PARD3B: variants seen among roughly 807,000 people sequenced by gnomAD.
The protein encoded by PARD3B is par-3 family cell polarity regulator beta, also known as partitioning defective 3 homolog B.
PARD3B carries 103 observed loss-of-function variants against 130.2 expected under a neutral mutation model. That is an observed-to-expected ratio of 0.79 (90% CI 0.67 to 0.93). The LOEUF is 0.93. Among genes scored for constraint, PARD3B ranks in the 40% least tolerant of loss-of-function variants. The pLI is 0.00. For missense variants in PARD3B, 1,609 were observed against 1,499.2 expected (o/e 1.07, Z -1.21); for synonymous variants, 583 against 553.2 (o/e 1.05, Z -0.76).
intron 2 of PARD3B, among the ~76,000 whole-genome samples, chr2:204,922,838 C>T (rs939682137): frequency 4.6e-5 from 7 of 152,020 alleles, no homozygotes; most frequent in Admixed American, 2.6e-4. Context: ...TGACAAAAAT[C>T]GTAGTATTTA....
intron 1 of PARD3B, among the ~76,000 whole-genome samples, chr2:204,611,702 A>G (rs1285053434): frequency 1.3e-5 from 2 of 152,180 alleles, no homozygotes; most frequent in African/African-American, 4.8e-5. Flanking sequence ...TGTTCTTACT[A>G]TATACATGTA....
chr2:204,794,440 A>C (rs1013458769), intron 2 of PARD3B, among the ~76,000 whole-genome samples: 2 of 152,162 alleles, frequency 1.3e-5, no homozygotes, highest in African/African-American at 4.8e-5. Context: ...TGGTTTATCA[A>C]ATGGCTTTCA....
At chr2:205,232,985 A>C (rs780221222) in intron 15 of PARD3B, among the ~76,000 whole-genome samples, 1 of 152,204 alleles carries the variant, frequency 6.6e-6, no homozygotes, top group African/African-American at 2.4e-5. Context: ...AATGGTCAAC[A>C]TGTTTTCGAA....
chr2:204,855,060 C>T (rs540141764), intron 2 of PARD3B, among the ~76,000 whole-genome samples: 2 of 152,118 alleles, frequency 1.3e-5, no homozygotes, highest in South Asian at 2.1e-4. Context: ...ATTTACATAG[C>T]GTGCAAGGAA....
At chr2:205,277,495 G>T (rs1320138615) in intron 16 of PARD3B, among the ~76,000 whole-genome samples, 1 of 152,162 alleles carries the variant, frequency 6.6e-6, no homozygotes, top group African/African-American at 2.4e-5. Flanking sequence ...AGAAATGAGA[G>T]ATCTGGCAGA....
intron 18 of PARD3B, among the ~76,000 whole-genome samples, chr2:205,359,623 T>TTA (rs2044317168): frequency 6.6e-6 from 1 of 152,206 alleles, no homozygotes; most frequent in African/African-American, 2.4e-5. Context: ...CCACAAATAA[T>TTA]TAGAGTTGTT....
chr2:204,914,163 G>T (rs2047353796), intron 2 of PARD3B, among the ~76,000 whole-genome samples: 1 of 152,286 alleles, frequency 6.6e-6, no homozygotes, highest in African/African-American at 2.4e-5. Context: ...CCTGATCCGG[G>T]ATGGTACCTG....
intron 1 of PARD3B, among the ~76,000 whole-genome samples, chr2:204,667,371 A>G (rs776130078): frequency 3.3e-5 from 5 of 151,996 alleles, no homozygotes; most frequent in Admixed American, 6.6e-5. Flanking sequence ...TTTTACCTCA[A>G]ATTCCTCAGA....
chr2:205,057,578 T>C (rs1398374415), intron 4 of PARD3B, among the ~76,000 whole-genome samples: 15 of 140,798 alleles, frequency 1.1e-4, no homozygotes, highest in Admixed American at 1.1e-3. Context: ...TGTATATGTG[T>C]ATGTGTATAC....
At chr2:205,215,032 A>T (rs1229744392) in intron 15 of PARD3B, among the ~76,000 whole-genome samples, 2 of 152,124 alleles carry the variant, frequency 1.3e-5, no homozygotes, top group Admixed American at 6.6e-5. Context: ...GATTGGGAAT[A>T]TCATATCTGT....
intron 18 of PARD3B, among the ~76,000 whole-genome samples, chr2:205,348,498 C>G (rs1410189505): frequency 6.6e-6 from 1 of 152,106 alleles, no homozygotes. Flanking sequence ...GGAGAGAGAG[C>G]AGATGGGTTA....
chr2:205,148,972 G>A (rs1035584423), intron 10 of PARD3B, among the ~76,000 whole-genome samples: 1 of 152,132 alleles, frequency 6.6e-6, no homozygotes, highest in Non-Finnish European at 1.5e-5. Context: ...CTGGGAAATT[G>A]GATGTTGGCC....
chr2:205,542,729 T>C (rs2052211847), intron 21 of PARD3B, among the ~76,000 whole-genome samples: 1 of 152,194 alleles, frequency 6.6e-6, no homozygotes, highest in African/African-American at 2.4e-5. Context: ...ACTGTTACTC[T>C]GAGCTTATAG....
intron 2 of PARD3B, among the ~76,000 whole-genome samples, chr2:204,813,588 C>A (rs890646881): frequency 6.6e-6 from 1 of 151,992 alleles, no homozygotes; most frequent in African/African-American, 2.4e-5. Context: ...AAACTTTTGC[C>A]TAATCTCAGT....
At chr2:205,036,606 A>G (rs1697923898) in intron 3 of PARD3B, among the ~76,000 whole-genome samples, 1 of 149,424 alleles carries the variant, frequency 6.7e-6, no homozygotes, top group Non-Finnish European at 1.5e-5. Context: ...CTGTATGTAC[A>G]AAAAATATAT....
intron 2 of PARD3B, among the ~76,000 whole-genome samples, chr2:204,716,911 C>T (rs952372782): frequency 2.0e-5 from 3 of 152,096 alleles, no homozygotes; most frequent in Admixed American, 6.6e-5. Flanking sequence ...CGTGAGCCAC[C>T]GCACCCGGCC....
rs149251366 is a variant in PARD3B, at chr2:205,413,750, G to A, written c.2741+12627G>A. Among the ~76,000 whole-genome samples the A allele has an allele frequency of 4.0e-3, 603 of 152,228 alleles. 8 individuals carry two copies. The highest frequency in any genetic ancestry group is 0.013 in the African/African-American group (555 of 41,550). ...GCTGAACCAGATCCTGAGAGACACAGCCTTAAAGTGAATGAAATTTCATCC... is the reference window on the plus strand; with the variant it reads ...GCTGAACCAGATCCTGAGAGACACAACCTTAAAGTGAATGAAATTTCATCC... On this transcript the variant is annotated intron_variant, in intron 19 of 22. Coordinates refer to ENST00000406610, the MANE Select transcript of PARD3B (RefSeq NM_001302769.2).
intron 22 of PARD3B, among the ~76,000 whole-genome samples, chr2:205,610,138 C>A (rs752965961): frequency 1.3e-5 from 2 of 152,180 alleles, no homozygotes; most frequent in African/African-American, 2.4e-5. Flanking sequence ...ATTCTGGATT[C>A]TGCCTCTCCT....
Position 205,300,623 on chromosome 2 carries a change from A to ATGACCT in PARD3B, c.2281_2286dup (p.Asp761_Leu762dup). The ATGACCT allele has an allele frequency of 6.2e-7, 1 of 1,613,960 alleles. No individual in the cohort carries two copies. The highest frequency in any genetic ancestry group is 1.1e-5 in the South Asian group (1 of 91,078). The stretch of plus-strand genomic sequence containing the variant: ...ACTGCAGTGGCCGAGGTCAGGAAGA[A>ATGACCT]TGACCTTCCCTTTCACAGGCCCCGG... On this transcript the variant is annotated inframe_insertion, in exon 17 of 23. Coordinates refer to ENST00000406610, the MANE Select transcript of PARD3B (RefSeq NM_001302769.2). The surrounding 1 kb of genome is among the most constrained non-coding windows in gnomAD (Gnocchi z 4.1).
Sources: allele counts gnomAD v4.1 joint callset (sites outside exome capture counted in the v4.1 genomes callset), GRCh38; gene constraint gnomAD v4.1.1; non-coding constraint Gnocchi (gnomAD v3.1); transcripts MANE v1.5; gene names NCBI Gene and HGNC (gene_info 2026-07-23, HGNC 2026-07-21).